Variants in RANBP9 observed in about 807,000 individuals in gnomAD.
RANBP9 encodes the protein RAN binding protein 9, also known as ran-binding protein 9.
RANBP9 carries 15 observed loss-of-function variants against 84.3 expected under a neutral mutation model. The ratio of observed to expected loss-of-function variants is 0.18; its 90% CI spans 0.12 to 0.27. The LOEUF is 0.27. Among genes scored for constraint, RANBP9 ranks in the 10% least tolerant of loss-of-function variants. The probability of loss-of-function intolerance (pLI) is 1.00; values close to 1 mark genes in which losing one functional copy is unlikely to be tolerated. For missense variants in RANBP9, 809 were observed against 912.8 expected (o/e 0.89, Z 1.46); for synonymous variants, 392 against 349.6 (o/e 1.12, Z -1.35).
At chr6:13,628,568 TA>T (rs1337693999) in intron 12 of RANBP9, among the ~76,000 whole-genome samples, 1 of 152,116 alleles carries the variant, frequency 6.6e-6, no homozygotes, top group Non-Finnish European at 1.5e-5. Context: ...AAAAACACTA[TA>T]AAACATGGCT....
Position 13,696,845 on chromosome 6 carries a change from A to G in RANBP9, c.623T>C (p.Ile208Thr). Residue 208 changes from isoleucine (I) to threonine (T), a missense_variant, in exon 2 of 14, where the codon ATA becomes ACA. By Grantham distance (89) the Ile-to-Thr change is moderately conservative. Around this residue, in one of 5 missense-constraint regions of RANBP9, gnomAD observed 56 missense variants for 88.2 expected, o/e 0.63. Coordinates refer to ENST00000011619, the MANE Select transcript of RANBP9 (RefSeq NM_005493.3). ...DAASVRATHP[I>T]PAACGIYYFE... ...ATAATAAATCCCACAGGCTGCTGGT[A>G]TTGGATGCGTGGCTCGAACTGACGC... 6.2e-7 allele frequency: 1 copy of G among 1,613,546 alleles called. No homozygotes were observed.
In RANBP9 at chr6:13,657,137, G is replaced by A. The variant is rs201372806; in HGVS notation, c.876C>T (p.Cys292=). The change falls in exon 4 of 14, where the codon TGC becomes TGT. Residue 292 remains cysteine (C), a synonymous_variant. Coordinates refer to ENST00000011619, the MANE Select transcript of RANBP9 (RefSeq NM_005493.3). ...AACTATGTCCATTCTTGGTGTAAAA[G>A]CAGGTATTGTTGATAAGATTAACAC... ...GCCVNLINNT[C]FYTKNGHSLG... is the part of the protein sequence containing the mutation. 6 of 1,611,506 alleles carry A rather than the reference G, an allele frequency of 3.7e-6. No homozygotes were observed. The East Asian group carries it at 1.3e-4, about 36-fold the overall frequency.
intron 13 of RANBP9, among the ~76,000 whole-genome samples, chr6:13,623,951 T>C (rs1473518309): frequency 2.0e-5 from 3 of 152,188 alleles, no homozygotes; most frequent in Non-Finnish European, 2.9e-5. Flanking sequence ...CTTTAAAGAT[T>C]AGTATCATCT....
intron 9 of RANBP9, among the ~76,000 whole-genome samples, chr6:13,639,239 C>T (rs748581203): frequency 6.6e-5 from 10 of 152,174 alleles, no homozygotes; most frequent in Non-Finnish European, 1.3e-4. Context: ...AGTGCAGTGA[C>T]GTGATCTCAG....
intron 2 of RANBP9, among the ~76,000 whole-genome samples, chr6:13,664,118 G>C (rs936592859): frequency 5.9e-5 from 9 of 152,014 alleles, no homozygotes; most frequent in Non-Finnish European, 8.8e-5. Flanking sequence ...TGTTTATAAA[G>C]AAAATCCTAA....
In RANBP9 at chr6:13,630,091, C is replaced by T. The variant is rs142181684; in HGVS notation, c.1947+2279G>A. 7.4e-3 allele frequency among the ~76,000 whole-genome samples: 1,126 copies of T among 152,152 alleles called. 12 individuals carry two copies. The highest frequency in any genetic ancestry group is 0.024 in the African/African-American group (1,008 of 41,500). On this transcript the variant is annotated intron_variant, in intron 12 of 13. Coordinates refer to ENST00000011619, the MANE Select transcript of RANBP9 (RefSeq NM_005493.3). ...CTAAACCTGTTTTCTCTTCATGTTG[C>T]CCTCAAATCATCCGGCCTTGTTCTT...
intron 2 of RANBP9, among the ~76,000 whole-genome samples, chr6:13,687,023 G>A (rs1380658410): frequency 6.6e-6 from 1 of 152,130 alleles, no homozygotes; most frequent in Non-Finnish European, 1.5e-5. Flanking sequence ...GTAACAAGAA[G>A]AAATTGTTTT....
chr6:13,668,106 G>A (rs370881653), intron 2 of RANBP9, among the ~76,000 whole-genome samples: 84 of 151,822 alleles, frequency 5.5e-4, no homozygotes, highest in African/African-American at 1.7e-3. Flanking sequence ...CTAAACATCA[G>A]GAATTACAAG....
intron 1 of RANBP9, among the ~76,000 whole-genome samples, chr6:13,709,634 G>A (rs944102547): frequency 3.3e-5 from 5 of 152,278 alleles, no homozygotes; most frequent in Admixed American, 2.6e-4. Flanking sequence ...AGATTAAGGA[G>A]GATAACACTT....
At chr6:13,696,745 A>G in intron 2 of RANBP9, 40 bp downstream of exon 2, 1 of 1,528,802 alleles carries the variant, frequency 6.5e-7, no homozygotes, top group African/African-American at 1.4e-5. Flanking sequence ...ACCAAAACAA[A>G]AAAACTAGCA....
intron 5 of RANBP9, among the ~76,000 whole-genome samples, 154 bp downstream of exon 5, chr6:13,652,505 G>C (rs189693119): frequency 6.6e-6 from 1 of 152,164 alleles, no homozygotes; most frequent in Admixed American, 6.5e-5. Context: ...CTACACCCAA[G>C]GTGGTTAGAG....
intron 1 of RANBP9, among the ~76,000 whole-genome samples, chr6:13,703,315 C>T (rs946720871): frequency 3.3e-5 from 5 of 152,100 alleles, no homozygotes; most frequent in African/African-American, 9.7e-5. Flanking sequence ...TCTATTCTCC[C>T]TCTCTCTTTC....
At position 13,625,675 on chromosome 6, in the gene RANBP9, T is replaced by A; in HGVS notation, c.2037A>T (p.Ser679=). ...TACCTAATATTGCACTGTTAAGAGC[T>A]GAGCACACAGGTTCTCTCTGAATCG... The part of the protein sequence containing the change: ...LDPIQREPVC[S]ALNSAILETH... The change falls in exon 13 of 14, where the codon TCA becomes TCT. Residue 679 remains serine (S), a synonymous_variant. Transcript: ENST00000011619. The A allele has an allele frequency of 6.2e-7, 1 of 1,611,168 alleles. No individual in the cohort carries two copies. The highest frequency in any genetic ancestry group is 8.5e-7 in the Non-Finnish European group (1 of 1,177,302).
intron 5 of RANBP9, among the ~76,000 whole-genome samples, chr6:13,652,039 T>C (rs1765310191): frequency 6.6e-6 from 1 of 152,146 alleles, no homozygotes; most frequent in Non-Finnish European, 1.5e-5. Flanking sequence ...GCAGACTCCC[T>C]CACTCCTCCA....
intron 5 of RANBP9, among the ~76,000 whole-genome samples, chr6:13,647,843 A>G (rs1316574409): frequency 6.6e-6 from 1 of 152,180 alleles, no homozygotes; most frequent in African/African-American, 2.4e-5. Flanking sequence ...CTCAACCTTA[A>G]AACTGGAGAA....
rs758188791 is a variant in RANBP9 at position 13,641,311 on chromosome 6, T to C, written c.1226-4A>G. On this transcript the variant is annotated splice_region_variant and splice_polypyrimidine_tract_variant and intron_variant, in intron 7 of 13. Transcript: ENST00000011619. The stretch of plus-strand genomic sequence containing the variant: ...GCTAATACCAATTTCTGAATTCCTA[T>C]TCAGTAAAAGAAAGCAAACGATTAA... The C allele has an allele frequency of 3.2e-6, 5 of 1,565,430 alleles. No homozygotes were observed. Among genetic ancestry groups the C allele is most frequent in the African/African-American group, 2.7e-5 (2 of 73,520 alleles).
rs1197754094 is a variant in RANBP9 at position 13,711,197 on chromosome 6, G to T, written c.309C>A (p.Pro103=). The change falls in exon 1 of 14, where the codon CCC becomes CCA. Residue 103 remains proline (P), a synonymous_variant. Coordinates refer to ENST00000011619, the MANE Select transcript of RANBP9 (RefSeq NM_005493.3). The part of the protein sequence containing the change: ...ASAAAPASGP[P]APPGLAAGPG... ...GGCCCGCTGCAAGGCCCGGGGGAGC[G>T]GGCGGCCCGCTGGCGGGGGCAGCCG... 3 of 1,232,876 alleles carry T rather than the reference G, an allele frequency of 2.4e-6. No individual in the cohort carries two copies. The highest frequency in any genetic ancestry group is 3.2e-5 in the South Asian group (1 of 31,374). 76.4% of individuals were successfully genotyped at this position (1,232,876 alleles called of 1,614,324 possible). A position where few individuals can be genotyped will look rare whatever the true frequency, so the allele number is the denominator to read the frequency against.
At position 13,711,123 on chromosome 6, in the gene RANBP9, C is replaced by A. The variant is rs2113379152; in HGVS notation, c.383G>T (p.Ser128Ile). The A allele has an allele frequency of 1.3e-6, 2 of 1,545,500 alleles. No individual in the cohort carries two copies. Among genetic ancestry groups the A allele is most frequent in the South Asian group, 2.4e-5 (2 of 84,438 alleles). ...CCCGTGAGGGAAGGGGGCCGCGGCG[C>A]TGCTGCCCGCCACCAGAGCTGGGGT... Reference protein sequence around the residue: ...APTPALVAGSSAAAPFPHGDS... With the variant: ...APTPALVAGSIAAAPFPHGDS... The change falls in exon 1 of 14, where the codon AGC becomes ATC. Residue 128 changes from serine (S) to isoleucine (I), a missense_variant. By Grantham distance (142) the Ser-to-Ile change is moderately radical. Transcript: ENST00000011619.
intron 1 of RANBP9, among the ~76,000 whole-genome samples, chr6:13,699,945 C>T (rs576601272): frequency 6.6e-6 from 1 of 152,262 alleles, no homozygotes; most frequent in African/African-American, 2.4e-5. Context: ...GTAATATCAG[C>T]AGCAAAGGGC....
Sources: gnomAD v4.1 joint callset for allele counts (sites outside exome capture counted in the v4.1 genomes callset) on GRCh38, gnomAD v4.1.1 for gene constraint, gnomAD v4.1.1 regional missense constraint, MANE v1.5 for transcripts, NCBI Gene and HGNC (gene_info 2026-07-23, HGNC 2026-07-21) for gene names.